Variants in ENTPD5 observed in about 807,000 individuals in gnomAD.
ENTPD5 encodes the protein ectonucleoside triphosphate diphosphohydrolase 5 (inactive).
In ENTPD5, 49 loss-of-function variants were observed where a neutral mutation model predicts 60.2. The observed-to-expected ratio is 0.81, with a 90% CI of 0.65 to 1.03. The LOEUF (loss-of-function observed/expected upper bound fraction) is 1.03. Ranked by LOEUF, ENTPD5 falls within the 50% of genes least tolerant of loss-of-function variation. ENTPD5 has a pLI of 0.00. For synonymous variants in ENTPD5, 187 were observed against 185.4 expected (o/e 1.01, Z -0.07); for missense variants, 480 against 507.6 (o/e 0.95, Z 0.52).
intron 3 of ENTPD5, among the ~76,000 whole-genome samples, chr14:73,992,812 G>A (rs2058191638): frequency 6.6e-6 from 1 of 152,040 alleles, no homozygotes; most frequent in Admixed American, 6.6e-5. Context: ...AGACCAGCCT[G>A]GGTAACAAGG....
chr14:74,018,774 G>C (rs1344607227), intron 1 of ENTPD5: 1 of 152,308 alleles, frequency 6.6e-6, no homozygotes, highest in Non-Finnish European at 1.5e-5. Flanking sequence ...CTGCTCTTCG[G>C]AGGCTGGCAG....
At chr14:74,016,456 G>A (rs532569355) in intron 1 of ENTPD5, among the ~76,000 whole-genome samples, 1 of 152,254 alleles carries the variant, frequency 6.6e-6, no homozygotes, top group South Asian at 2.1e-4. Context: ...AGGCAACATG[G>A]CAAAACCCTG....
chr14:73,978,545 G>A (rs1374169391), intron 6 of ENTPD5, among the ~76,000 whole-genome samples: 4 of 152,034 alleles, frequency 2.6e-5, no homozygotes, highest in African/African-American at 9.7e-5. Flanking sequence ...AGGTTGCAGT[G>A]AGCCGAGATC....
At chr14:73,982,179 A>G (rs1403229398) in intron 6 of ENTPD5, among the ~76,000 whole-genome samples, 1 of 152,098 alleles carries the variant, frequency 6.6e-6, no homozygotes, top group Non-Finnish European at 1.5e-5. Flanking sequence ...GGTTGAAGCG[A>G]TTCTCCTGCC....
chr14:73,981,762 G>A (rs2057699372), intron 6 of ENTPD5, among the ~76,000 whole-genome samples: 1 of 150,774 alleles, frequency 6.6e-6, no homozygotes, highest in African/African-American at 2.4e-5. Flanking sequence ...AGCCAAGATC[G>A]TGCCACTGCA....
chr14:73,987,980 G>A lies in ENTPD5; in HGVS notation c.123C>T (p.Ile41=). Residue 41 remains isoleucine (I), a synonymous_variant, in exon 4 of 16, where the codon ATC becomes ATT. Coordinates refer to ENST00000334696, the MANE Select transcript of ENTPD5 (RefSeq NM_001249.5). ...CATACAAGGTGCTGGCGCTGACATT[G>A]ATGGGGCACATGGAAGACAGGAAGA... The part of the protein sequence containing the change: ...EGIFLSSMCP[I]NVSASTLYGI... The A allele has an allele frequency of 6.2e-7, 1 of 1,614,158 alleles. No homozygotes were observed. The highest frequency in any genetic ancestry group is 1.3e-5 in the African/African-American group (1 of 75,060).
At chr14:73,959,176 C>T (rs200918369), downstream of ENTPD5, 94 of 1,614,106 alleles carry the variant, frequency 5.8e-5, no homozygotes, top group African/African-American at 1.3e-4. Context: ...CAGAAAACAA[C>T]GTAGCCTGGC....
At chr14:73,999,637 CA>C (rs2058444770) in intron 3 of ENTPD5, among the ~76,000 whole-genome samples, 1 of 149,956 alleles carries the variant, frequency 6.7e-6, no homozygotes, top group South Asian at 2.1e-4. Flanking sequence ...ACTAAATATA[CA>C]AAAATTAGCC....
At chr14:74,006,248 G>A (rs1027183816) in intron 3 of ENTPD5, among the ~76,000 whole-genome samples, 5 of 150,098 alleles carry the variant, frequency 3.3e-5, no homozygotes, top group Non-Finnish European at 5.9e-5. Context: ...GACTCCCAAA[G>A]TGCTGGGATT....
chr14:73,999,275 G>A (rs150019665), intron 3 of ENTPD5, among the ~76,000 whole-genome samples: 4 of 147,842 alleles, frequency 2.7e-5, no homozygotes, highest in African/African-American at 5.0e-5. Context: ...ATTACCTCAA[G>A]TTAGGAGTTC....
chr14:73,977,272 T>C (rs780385765), intron 7 of ENTPD5, 27 bp downstream of exon 7: 1 of 1,569,820 alleles, frequency 6.4e-7, no homozygotes, highest in South Asian at 1.1e-5. Context: ...CCTCTCCCCC[T>C]GGAACGCATA....
At chr14:73,955,618 C>CAGTG, downstream of ENTPD5, 1 of 1,358,858 alleles carries the variant, frequency 7.4e-7, no homozygotes. Flanking sequence ...AGACAAGGTT[C>CAGTG]ACATTCAGTC....
At chr14:73,958,775 G>C, downstream of ENTPD5, 1 of 1,490,240 alleles carries the variant, frequency 6.7e-7, no homozygotes. Context: ...GTCATGTCCA[G>C]CTTTGGCTCT....
intron 3 of ENTPD5, among the ~76,000 whole-genome samples, chr14:74,004,953 G>A (rs1404807495): frequency 6.6e-6 from 1 of 151,894 alleles, no homozygotes; most frequent in Non-Finnish European, 1.5e-5. Context: ...CAGTATTTGT[G>A]TAATATTTTG....
At chr14:73,977,126 T>G (rs1454292658) in intron 7 of ENTPD5, 67 bp from the exon 8 acceptor site, 2 of 839,028 alleles carry the variant, frequency 2.4e-6, no homozygotes, top group Admixed American at 6.2e-5. Flanking sequence ...CCCAACCTTG[T>G]TTTTTTTTTT....
At chr14:73,967,532 C>T (rs1451063983) in intron 15 of ENTPD5, among the ~76,000 whole-genome samples, 1 of 152,140 alleles carries the variant, frequency 6.6e-6, no homozygotes, top group Non-Finnish European at 1.5e-5. Flanking sequence ...TGGGGCCAGG[C>T]GCAGTGGCTC....
intron 14 of ENTPD5, among the ~76,000 whole-genome samples, chr14:73,970,962 A>G (rs1006522975): frequency 6.6e-6 from 1 of 151,946 alleles, no homozygotes; most frequent in African/African-American, 2.4e-5. Context: ...AGTAGCTGAG[A>G]CTACAGGTCG....
chr14:73,961,076 G>T, downstream of ENTPD5: 4 of 1,411,796 alleles, frequency 2.8e-6, no homozygotes, highest in South Asian at 3.7e-5. Context: ...GGTAGCATTA[G>T]CCTAAGCTTT....
chr14:73,991,705 T>G (rs550654194), intron 3 of ENTPD5, among the ~76,000 whole-genome samples: 4 of 148,068 alleles, frequency 2.7e-5, no homozygotes, highest in East Asian at 4.0e-4. Context: ...CCACTAGAGG[T>G]CAATAGCACA....
Sources: allele counts gnomAD v4.1 joint callset (sites outside exome capture counted in the v4.1 genomes callset), GRCh38; gene constraint gnomAD v4.1.1; transcripts MANE v1.5; gene names NCBI Gene and HGNC (gene_info 2026-07-23, HGNC 2026-07-21).